KTN1: variants seen among roughly 807,000 people sequenced by gnomAD.
The protein encoded by KTN1 is kinectin 1.
A neutral mutation model predicts 222.5 loss-of-function variants in KTN1; 130 were observed. The observed-to-expected ratio is 0.58, with a 90% confidence interval of 0.51 to 0.68. The LOEUF is 0.68. Ranked by LOEUF, KTN1 falls within the 30% of genes least tolerant of loss-of-function variation. KTN1 has a pLI of 0.00. For missense variants in KTN1, 1,508 were observed against 1,500.4 expected (o/e 1.01, Z -0.08); for synonymous variants, 512 against 496.3 (o/e 1.03, Z -0.42).
chr14:55,596,330 T>C (rs1037669017), intron 1 of KTN1, among the ~76,000 whole-genome samples: 1 of 152,100 alleles, frequency 6.6e-6, no homozygotes, highest in African/African-American at 2.4e-5. Context: ...TTTACTTTTT[T>C]CCCCCTAACT....
intron 28 of KTN1, 43 bp downstream of exon 28, chr14:55,653,639 C>A (rs754531284): frequency 8.2e-6 from 12 of 1,457,956 alleles, no homozygotes; most frequent in African/African-American, 1.4e-5. Context: ...AAACAAACGT[C>A]TCATTATTTT....
chr14:55,668,105 T>C (rs2045032759), intron 34 of KTN1: 1 of 152,098 alleles, frequency 6.6e-6, no homozygotes, highest in Admixed American at 6.6e-5. Flanking sequence ...TCTGTAAATA[T>C]TTCAGTACAC....
chr14:55,676,586 G>A (rs368474326), intron 41 of KTN1, among the ~76,000 whole-genome samples: 1 of 152,092 alleles, frequency 6.6e-6, no homozygotes. Flanking sequence ...GTATAAAATG[G>A]AATCCCAGAA....
At chr14:55,596,717 C>G (rs2035098030) in intron 1 of KTN1, among the ~76,000 whole-genome samples, 1 of 152,052 alleles carries the variant, frequency 6.6e-6, no homozygotes, top group Admixed American at 6.5e-5. Flanking sequence ...CGTTAGCTCC[C>G]TAAGGTTCTT....
chr14:55,684,329 T>C lies in KTN1; in HGVS notation c.*226T>C, dbSNP rs185981515. 5.0e-6 allele frequency: 2 copies of C among 403,798 alleles called. No individual in the cohort carries two copies. The allele number at this position is 403,798 out of a possible 1,614,324, so 25.0% of individuals were successfully genotyped here. ...TTTATAATAAAAACTGTTTGAATAATTAGACCTTTACATTCCTGAAGATAA... is the reference window on the plus strand; with the variant it reads ...TTTATAATAAAAACTGTTTGAATAACTAGACCTTTACATTCCTGAAGATAA... On this transcript the variant is annotated 3_prime_UTR_variant, in exon 44 of 44. Transcript: ENST00000395314.
intron 1 of KTN1, among the ~76,000 whole-genome samples, chr14:55,598,217 C>T (rs972245164): frequency 6.6e-6 from 1 of 152,008 alleles, no homozygotes; most frequent in Non-Finnish European, 1.5e-5. Flanking sequence ...GGGCGGATCA[C>T]GAGGTCAGGA....
At position 55,648,104 on chromosome 14, in the gene KTN1, G is replaced by A; in HGVS notation, c.2287G>A (p.Glu763Lys). 6.5e-7 allele frequency: 1 copy of A among 1,543,148 alleles called. No homozygotes were observed. Among genetic ancestry groups the A allele is most frequent in the African/African-American group, 1.4e-5 (1 of 72,270 alleles). Residue 763 changes from glutamate (E) to lysine (K), a missense_variant, in exon 20 of 44, where the codon GAG becomes AAG. By Grantham distance (56) the Glu-to-Lys change is moderately conservative. Coordinates refer to ENST00000395314, the MANE Select transcript of KTN1 (RefSeq NM_001079521.2). ...TGLIQVATKE[E>K]ELNAIRTENS... ...ACTTATTCAGGTGGCAACTAAAGAAGAGGAGCTGAATGTAAAGCATTTTGT... is the reference window on the plus strand; with the variant it reads ...ACTTATTCAGGTGGCAACTAAAGAAAAGGAGCTGAATGTAAAGCATTTTGT...
chr14:55,679,885 G>C, intron 43 of KTN1, 200 bp downstream of exon 43: 1 of 564,316 alleles, frequency 1.8e-6, no homozygotes, highest in Non-Finnish European at 3.1e-6. Flanking sequence ...GCTTGGAGGG[G>C]TTATCTGTGC....
At chr14:55,586,033 C>T (rs1594675629) in intron 1 of KTN1, among the ~76,000 whole-genome samples, 1 of 152,094 alleles carries the variant, frequency 6.6e-6, no homozygotes, top group African/African-American at 2.4e-5. Flanking sequence ...AAATGTGGGA[C>T]AATTATTATT....
intron 35 of KTN1, chr14:55,671,365 A>G (rs1036913632): frequency 5.4e-6 from 3 of 553,646 alleles, no homozygotes; most frequent in Admixed American, 7.1e-5. Context: ...AAGACTATTT[A>G]TTATAACATT....
chr14:55,600,853 C>A (rs968308244), intron 1 of KTN1, among the ~76,000 whole-genome samples: 1 of 151,914 alleles, frequency 6.6e-6, no homozygotes, highest in African/African-American at 2.4e-5. Flanking sequence ...TTAAAGCTTT[C>A]AGTTTGTCTA....
chr14:55,599,076 T>A (rs1022667065), intron 1 of KTN1, among the ~76,000 whole-genome samples: 7 of 152,220 alleles, frequency 4.6e-5, no homozygotes, highest in Non-Finnish European at 1.0e-4. Flanking sequence ...TTCAACTTTA[T>A]ATAGTTATCA....
intron 18 of KTN1, among the ~76,000 whole-genome samples, chr14:55,645,680 G>A (rs1334912602): frequency 6.6e-6 from 1 of 152,108 alleles, no homozygotes; most frequent in Non-Finnish European, 1.5e-5. Flanking sequence ...CCCTTCTCAT[G>A]TTTGGATTAT....
At chr14:55,600,203 T>C (rs1195558505) in intron 1 of KTN1, among the ~76,000 whole-genome samples, 2 of 151,474 alleles carry the variant, frequency 1.3e-5, no homozygotes, top group Non-Finnish European at 2.9e-5. Context: ...TTGAGTGACC[T>C]AAGGTGATAC....
intron 7 of KTN1, among the ~76,000 whole-genome samples, chr14:55,631,858 A>G (rs1185618021): frequency 6.6e-6 from 1 of 152,116 alleles, no homozygotes; most frequent in African/African-American, 2.4e-5. Flanking sequence ...TTATTATTAC[A>G]TACTGGGATA....
chr14:55,594,462 G>C (rs2034674860), intron 1 of KTN1, among the ~76,000 whole-genome samples: 1 of 137,910 alleles, frequency 7.3e-6, no homozygotes, highest in South Asian at 2.3e-4. Context: ...TCTTCGTTCT[G>C]TTTTGGAGTT....
chr14:55,624,252 C>G (rs533443575), intron 5 of KTN1, among the ~76,000 whole-genome samples: 4 of 152,212 alleles, frequency 2.6e-5, no homozygotes, highest in East Asian at 1.9e-4. Flanking sequence ...ACAGACTGTT[C>G]GAAGTCGCAG....
At chr14:55,626,927 C>T (rs986309408) in intron 5 of KTN1, among the ~76,000 whole-genome samples, 1 of 151,650 alleles carries the variant, frequency 6.6e-6, no homozygotes. Context: ...GCAATCTTTG[C>T]ACTTGTTTGT....
At position 55,656,818 on chromosome 14, in the gene KTN1, G is replaced by A. The variant is rs571000779; in HGVS notation, c.2892+686G>A. 6.6e-5 allele frequency among the ~76,000 whole-genome samples: 10 copies of A among 152,180 alleles called. No individual in the cohort carries two copies. In the East Asian group the frequency reaches 1.9e-3, roughly 29 times the overall value. On this transcript the variant is annotated intron_variant, in intron 29 of 43. Coordinates refer to ENST00000395314, the MANE Select transcript of KTN1 (RefSeq NM_001079521.2). Reference sequence around the variant, plus strand: ...TTGATGGATACCTAGATTATTTAGGGCTGTTTTTTCTGCACAAACAGTGCA... The same window carrying A: ...TTGATGGATACCTAGATTATTTAGGACTGTTTTTTCTGCACAAACAGTGCA...
Sources: gnomAD v4.1 joint callset for allele counts (sites outside exome capture counted in the v4.1 genomes callset) on GRCh38, gnomAD v4.1.1 for gene constraint, MANE v1.5 for transcripts, NCBI Gene and HGNC (gene_info 2026-07-23, HGNC 2026-07-21) for gene names.